Variants in SH3PXD2A observed in about 807,000 individuals in gnomAD.
The protein encoded by SH3PXD2A is SH3 and PX domains 2A.
Under a neutral mutation model 115.2 loss-of-function variants are expected in SH3PXD2A, and 32 were observed. That is an observed-to-expected ratio of 0.28 (90% CI 0.21 to 0.37). SH3PXD2A has a LOEUF of 0.37. SH3PXD2A is among the 10% of genes least tolerant of loss of function. SH3PXD2A has a pLI of 1.00. For synonymous variants in SH3PXD2A, 610 were observed against 629.1 expected, an observed-to-expected ratio of 0.97 and a Z score of 0.45; for missense variants, 1,328 against 1,498.7, an observed-to-expected ratio of 0.89 and a Z score of 1.88.
chr10:103,699,982 T>C (rs1021186884), intron 5 of SH3PXD2A, among the ~76,000 whole-genome samples: 2 of 152,286 alleles, frequency 1.3e-5, no homozygotes, highest in East Asian at 1.9e-4. Flanking sequence ...ATGGCCATCA[T>C]AGACCCCAGA....
intron 2 of SH3PXD2A, among the ~76,000 whole-genome samples, chr10:103,797,810 G>A (rs1284382069): frequency 1.3e-5 from 2 of 152,042 alleles, no homozygotes; most frequent in African/African-American, 4.8e-5. Context: ...AAGAGTGTGG[G>A]GTTTCTGTTC....
chr10:103,820,399 C>A (rs553268913), intron 1 of SH3PXD2A, among the ~76,000 whole-genome samples: 1 of 152,170 alleles, frequency 6.6e-6, no homozygotes, highest in East Asian at 1.9e-4. Flanking sequence ...AAGAGTCCTG[C>A]GCAGCGGCCA....
At chr10:103,800,949 G>A (rs1210982183) in intron 2 of SH3PXD2A, among the ~76,000 whole-genome samples, 1 of 152,162 alleles carries the variant, frequency 6.6e-6, no homozygotes, top group Non-Finnish European at 1.5e-5. Flanking sequence ...CACCCTGGAT[G>A]TTTATAGACA....
At chr10:103,759,780 T>C (rs1241276814) in intron 3 of SH3PXD2A, among the ~76,000 whole-genome samples, 1 of 152,210 alleles carries the variant, frequency 6.6e-6, no homozygotes, top group Admixed American at 6.5e-5. Context: ...AGTCATCTTC[T>C]AAAACAAGGC....
chr10:103,637,287 A>G (rs1196853197), intron 8 of SH3PXD2A, among the ~76,000 whole-genome samples: 1 of 152,170 alleles, frequency 6.6e-6, no homozygotes, highest in Non-Finnish European at 1.5e-5. Context: ...CAGAGCTTGG[A>G]GTTTGGAAAA....
At chr10:103,625,118 C>T (rs2036672330) in intron 9 of SH3PXD2A, among the ~76,000 whole-genome samples, 1 of 152,222 alleles carries the variant, frequency 6.6e-6, no homozygotes, top group South Asian at 2.1e-4. Context: ...AGGTCAAAAT[C>T]CTGCCCAACC....
intron 11 of SH3PXD2A, among the ~76,000 whole-genome samples, chr10:103,615,501 T>C (rs796717729): frequency 1.1e-3 from 96 of 91,270 alleles, no homozygotes; most frequent in African/African-American, 2.7e-3. Flanking sequence ...TGTGTGTGTG[T>C]GTGTGTGTGT....
At chr10:103,678,743 C>G (rs756686779) in intron 6 of SH3PXD2A, among the ~76,000 whole-genome samples, 4 of 152,204 alleles carry the variant, frequency 2.6e-5, no homozygotes, top group Admixed American at 6.5e-5. Context: ...CTCCTAGTGT[C>G]AGGAACCTGG....
At chr10:103,657,597 C>T (rs2037230130) in intron 8 of SH3PXD2A, among the ~76,000 whole-genome samples, 1 of 152,248 alleles carries the variant, frequency 6.6e-6, no homozygotes, top group East Asian at 1.9e-4. Flanking sequence ...GAGTCCTCTT[C>T]TGGTCTGGCC....
intron 1 of SH3PXD2A, among the ~76,000 whole-genome samples, chr10:103,801,694 G>T (rs948641249): frequency 1.3e-5 from 2 of 152,104 alleles, no homozygotes; most frequent in East Asian, 3.8e-4. Flanking sequence ...TAAAATTGAG[G>T]TCACTACATT....
chr10:103,657,872 C>T (rs73333355), intron 8 of SH3PXD2A, among the ~76,000 whole-genome samples: 2,366 of 152,338 alleles, frequency 0.016, 62 homozygotes, highest in African/African-American at 0.054. Flanking sequence ...GCCTGCATCT[C>T]GCCTCAACCT....
chr10:103,675,135 C>T (rs1271429822), intron 6 of SH3PXD2A, among the ~76,000 whole-genome samples: 2 of 152,196 alleles, frequency 1.3e-5, no homozygotes, highest in Non-Finnish European at 2.9e-5. Flanking sequence ...GGACCCCAGG[C>T]CTGCTCCTAC....
intron 3 of SH3PXD2A, among the ~76,000 whole-genome samples, chr10:103,744,154 CTTTT>C (rs35901070): frequency 2.2e-5 from 3 of 136,238 alleles, no homozygotes. Context: ...CCCTGCTTGT[CTTTT>C]TTTTTTTTTT....
At chr10:103,630,048 C>G (rs2036755785) in intron 8 of SH3PXD2A, among the ~76,000 whole-genome samples, 1 of 152,228 alleles carries the variant, frequency 6.6e-6, no homozygotes, top group Non-Finnish European at 1.5e-5. Flanking sequence ...GGCTGGGGGT[C>G]ACCCTCATCT....
intron 5 of SH3PXD2A, among the ~76,000 whole-genome samples, chr10:103,702,566 G>A (rs1182399169): frequency 8.5e-6 from 1 of 117,678 alleles, no homozygotes; most frequent in Non-Finnish European, 1.8e-5. Flanking sequence ...ACGGTGCAGG[G>A]GCAGGAACAG....
chr10:103,619,282 C>T (rs772262566), intron 10 of SH3PXD2A, among the ~76,000 whole-genome samples: 11 of 152,190 alleles, frequency 7.2e-5, no homozygotes, highest in Non-Finnish European at 1.6e-4. Context: ...CCTGCCTGCT[C>T]CTGGTTCTGC....
intron 5 of SH3PXD2A, among the ~76,000 whole-genome samples, chr10:103,703,623 G>T (rs1350586778): frequency 5.3e-5 from 8 of 152,310 alleles, no homozygotes; most frequent in Admixed American, 3.9e-4. Context: ...ATTCTCCGGG[G>T]TAATGGAAAT....
At chr10:103,707,613 G>C (rs1460654313) in intron 5 of SH3PXD2A, among the ~76,000 whole-genome samples, 1 of 152,084 alleles carries the variant, frequency 6.6e-6, no homozygotes, top group Non-Finnish European at 1.5e-5. Context: ...CTCCCAAAGT[G>C]CTGGAATTAC....
intron 5 of SH3PXD2A, among the ~76,000 whole-genome samples, chr10:103,700,707 A>G (rs946487676): frequency 1.3e-5 from 2 of 152,204 alleles, no homozygotes; most frequent in Admixed American, 6.5e-5. Flanking sequence ...GCCCACTGCC[A>G]TGGAGTGCTA....
Sources: gnomAD v4.1 joint callset for allele counts (sites outside exome capture counted in the v4.1 genomes callset) on GRCh38, gnomAD v4.1.1 for gene constraint, MANE v1.5 for transcripts, NCBI Gene and HGNC (gene_info 2026-07-23, HGNC 2026-07-21) for gene names.